SIN3A: variants seen among roughly 807,000 people sequenced by gnomAD.
The protein encoded by SIN3A is SIN3 transcription regulator family member A.
SIN3A carries 14 observed loss-of-function variants against 146.1 expected under a neutral mutation model. The observed-to-expected ratio is 0.10, with a 90% confidence interval of 0.06 to 0.15. The LOEUF is 0.15. SIN3A is among the 10% of genes least tolerant of loss of function. The probability of loss-of-function intolerance (pLI) is 1.00; values close to 1 mark genes in which losing one functional copy is unlikely to be tolerated. For synonymous variants in SIN3A, 572 were observed against 572.0 expected, an observed-to-expected ratio of 1.00 and a Z score of 0.00; for missense variants, 1,028 against 1,576.0, an observed-to-expected ratio of 0.65 and a Z score of 5.89.
chr15:75,385,795 G>T (rs1395538197), intron 16 of SIN3A, among the ~76,000 whole-genome samples: 12 of 152,186 alleles, frequency 7.9e-5, no homozygotes. Context: ...TGAAAGGTCA[G>T]AACGGTGACT....
intron 12 of SIN3A, 51 bp from the exon 13 acceptor site, chr15:75,396,547 ATAGAG>A (rs780504160): frequency 1.5e-6 from 2 of 1,298,668 alleles, no homozygotes; most frequent in African/African-American, 1.5e-5. Context: ...TCAAAATAGA[ATAGAG>A]TAGTGTTTAG....
intron 1 of SIN3A, among the ~76,000 whole-genome samples, chr15:75,440,145 C>T (rs918696231): frequency 4.4e-4 from 66 of 151,578 alleles, no homozygotes; most frequent in African/African-American, 1.5e-3. Flanking sequence ...AGCGAGACTC[C>T]CTCTCAAAAA....
chr15:75,433,052 C>CA (rs905369483), intron 1 of SIN3A, among the ~76,000 whole-genome samples: 18 of 151,050 alleles, frequency 1.2e-4, no homozygotes, highest in Admixed American at 4.0e-4. Flanking sequence ...ATAACAACAA[C>CA]AAAAAAAAAC....
At chr15:75,431,065 C>T (rs999585388) in intron 1 of SIN3A, among the ~76,000 whole-genome samples, 3 of 152,102 alleles carry the variant, frequency 2.0e-5, no homozygotes, top group South Asian at 2.1e-4. Context: ...CGTGAGCCAC[C>T]GCGCCCGGCC....
chr15:75,417,762 T>C (rs1403250851), intron 3 of SIN3A, among the ~76,000 whole-genome samples: 1 of 152,240 alleles, frequency 6.6e-6, no homozygotes, highest in Non-Finnish European at 1.5e-5. Flanking sequence ...GTCTGAAATG[T>C]GTCCCACAAA....
At chr15:75,389,213 C>T (rs1430041724) in intron 16 of SIN3A, among the ~76,000 whole-genome samples, 4 of 151,948 alleles carry the variant, frequency 2.6e-5, no homozygotes, top group East Asian at 3.9e-4. Context: ...ATAATCCCAG[C>T]GCTTTAAGAG....
Position 75,442,229 on chromosome 15 carries a change from C to T in SIN3A, c.-34+9194G>A, listed in dbSNP as rs933356489. Among the ~76,000 whole-genome samples, 8 of 149,192 alleles carry T rather than the reference C, an allele frequency of 5.4e-5. No individual in the cohort carries two copies. In the South Asian group the frequency reaches 1.3e-3, roughly 24 times the overall value. ...ACATATACGTAACTTTGGCACCTGT[C>T]CACTTACAAACTGCATCAACTAAGT... On this transcript the variant is annotated intron_variant, in intron 1 of 20. Transcript: ENST00000394947.
At position 75,409,283 on chromosome 15, in the gene SIN3A, T is replaced by C. The variant is rs577895445; in HGVS notation, c.1317+553A>G. 3.9e-5 allele frequency among the ~76,000 whole-genome samples: 6 copies of C among 152,224 alleles called. No homozygotes were observed. In the East Asian group the frequency reaches 7.7e-4, roughly 20 times the overall value. On this transcript the variant is annotated intron_variant, in intron 8 of 20. Coordinates refer to ENST00000394947, the MANE Select transcript of SIN3A (RefSeq NM_001145358.2). ...AAAACATTAAAGAAATGACAGCTCA[T>C]TGCAAAGGAGAGATAATAAAGAACT...
chr15:75,383,175 C>T (rs755319503), intron 17 of SIN3A, among the ~76,000 whole-genome samples: 5 of 150,196 alleles, frequency 3.3e-5, no homozygotes, highest in Non-Finnish European at 4.4e-5. Context: ...GGGTGGCTGA[C>T]GTGTGAGAAT....
At chr15:75,434,030 G>A (rs944074622) in intron 1 of SIN3A, among the ~76,000 whole-genome samples, 1 of 152,202 alleles carries the variant, frequency 6.6e-6, no homozygotes, top group Non-Finnish European at 1.5e-5. Flanking sequence ...GCTAGTAAGA[G>A]GCAAAGCTGT....
At chr15:75,424,115 A>T (rs2073885049) in intron 2 of SIN3A, among the ~76,000 whole-genome samples, 1 of 152,164 alleles carries the variant, frequency 6.6e-6, no homozygotes, top group Non-Finnish European at 1.5e-5. Context: ...AATAAAAATA[A>T]ATTACTATGA....
intron 15 of SIN3A, 21 bp from the exon 16 acceptor site, chr15:75,389,842 G>C: frequency 6.2e-7 from 1 of 1,612,420 alleles, no homozygotes; most frequent in Non-Finnish European, 8.5e-7. Flanking sequence ...GATGGGATTG[G>C]TGAGGCCTTA....
chr15:75,401,285 T>C (rs1027180213), intron 10 of SIN3A, among the ~76,000 whole-genome samples: 2 of 152,140 alleles, frequency 1.3e-5, no homozygotes, highest in Non-Finnish European at 2.9e-5. Context: ...CCCAGCACTT[T>C]GGGAGGCCGA....
intron 8 of SIN3A, among the ~76,000 whole-genome samples, chr15:75,409,067 G>A (rs113865368): frequency 0.2 from 31,073 of 151,994 alleles, 3,599 homozygotes; most frequent in Non-Finnish European, 0.26. Flanking sequence ...AGCTGGGCGT[G>A]GTGGCACACG....
Position 75,444,704 on chromosome 15 carries a change from A to T in SIN3A, c.-34+6719T>A, listed in dbSNP as rs1243609767. ...GGCAATACAGACTTCGGTGACACTG[A>T]TGTTACCCAGACATTTCTTACTACT... is the stretch of plus-strand genomic sequence containing the variant. On this transcript the variant is annotated intron_variant, in intron 1 of 20. Transcript: ENST00000394947. 2.6e-5 allele frequency among the ~76,000 whole-genome samples: 4 copies of T among 152,158 alleles called. No individual in the cohort carries two copies. In the East Asian group the frequency reaches 5.8e-4, roughly 22 times the overall value.
At chr15:75,425,978 CTATT>C (rs1231938216) in intron 2 of SIN3A, among the ~76,000 whole-genome samples, 1 of 152,148 alleles carries the variant, frequency 6.6e-6, no homozygotes, top group Admixed American at 6.5e-5. Context: ...TAAAAAGAAA[CTATT>C]TAGACAATTC....
chr15:75,380,846 A>C (rs146079151), intron 18 of SIN3A, 123 bp from the exon 19 acceptor site: 72 of 693,500 alleles, frequency 1.0e-4, no homozygotes, highest in African/African-American at 1.0e-3. Context: ...AGATCAAAAA[A>C]GTCCCTTTCT....
At chr15:75,402,040 T>G (rs1445475318) in intron 9 of SIN3A, 70 bp from the exon 10 acceptor site, 1 of 971,234 alleles carries the variant, frequency 1.0e-6, no homozygotes, top group Non-Finnish European at 1.6e-6. Flanking sequence ...AGGGCCTCGC[T>G]CTGTCGCCCA....
At chr15:75,417,886 T>C (rs2141521165) in intron 3 of SIN3A, among the ~76,000 whole-genome samples, 1 of 152,138 alleles carries the variant, frequency 6.6e-6, no homozygotes, top group East Asian at 1.9e-4. Context: ...AGGGCTGGAG[T>C]GAACCAGTGT....
Sources: gnomAD v4.1 joint callset for allele counts (sites outside exome capture counted in the v4.1 genomes callset) on GRCh38, gnomAD v4.1.1 for gene constraint, MANE v1.5 for transcripts, NCBI Gene and HGNC (gene_info 2026-07-23, HGNC 2026-07-21) for gene names.